VPS37A: variants seen among roughly 807,000 people sequenced by gnomAD.
VPS37A encodes VPS37A subunit of ESCRT-I, also known as vacuolar protein sorting-associated protein 37A.
Under a neutral mutation model 49.8 loss-of-function variants are expected in VPS37A, and 30 were observed. The observed-to-expected ratio is 0.60, with a 90% CI of 0.45 to 0.82. The LOEUF is 0.82. Ranked by LOEUF, VPS37A falls within the 40% of genes least tolerant of loss-of-function variation. The probability of loss-of-function intolerance (pLI) is 0.00; values close to 1 mark genes in which losing one functional copy is unlikely to be tolerated. For synonymous variants in VPS37A, 195 were observed against 160.6 expected, an observed-to-expected ratio of 1.21 and a Z score of -1.62; for missense variants, 593 against 464.4, an observed-to-expected ratio of 1.28 and a Z score of -2.55.
chr8:17,278,513 G>A (rs1814739334), intron 6 of VPS37A, among the ~76,000 whole-genome samples: 1 of 152,034 alleles, frequency 6.6e-6, no homozygotes. Context: ...AAGTTGCTCT[G>A]ATGGGTGAGA....
At chr8:17,300,756 T>C (rs754288543), downstream of VPS37A, among the ~76,000 whole-genome samples, 20 of 152,198 alleles carry the variant, frequency 1.3e-4, no homozygotes, top group Middle Eastern at 3.2e-3. Context: ...CCATACTCAT[T>C]AGCAGTCATT....
chr8:17,325,185 T>TGG, the VPS37A span, among the ~76,000 whole-genome samples: 1 of 152,004 alleles, frequency 6.6e-6, no homozygotes, highest in African/African-American at 2.4e-5. Context: ...CCACTGGAGC[T>TGG]GGGTGTGTCC....
the VPS37A span, among the ~76,000 whole-genome samples, chr8:17,332,703 G>A: frequency 1.3e-5 from 2 of 152,244 alleles, no homozygotes; most frequent in African/African-American, 4.8e-5. Flanking sequence ...CATATAGGTC[G>A]AACCATTAAG....
the VPS37A span, among the ~76,000 whole-genome samples, chr8:17,321,106 A>C: frequency 2.6e-5 from 4 of 152,218 alleles, no homozygotes; most frequent in Non-Finnish European, 5.9e-5. Flanking sequence ...ATACCTTGGC[A>C]TCTAAGCTCT....
chr8:17,279,299 C>A (rs1814809124), intron 6 of VPS37A, among the ~76,000 whole-genome samples: 1 of 151,996 alleles, frequency 6.6e-6, no homozygotes, highest in East Asian at 1.9e-4. Flanking sequence ...CATGCACTGA[C>A]CTGGTCTAAA....
downstream of VPS37A, among the ~76,000 whole-genome samples, chr8:17,306,485 G>C (rs1232657155): frequency 6.6e-6 from 1 of 152,048 alleles, no homozygotes; most frequent in African/African-American, 2.4e-5. Context: ...TGTGACGACA[G>C]ATTCCACATG....
chr8:17,267,949 C>G (rs1250662430), intron 2 of VPS37A, among the ~76,000 whole-genome samples: 1 of 152,162 alleles, frequency 6.6e-6, no homozygotes, highest in Non-Finnish European at 1.5e-5. Flanking sequence ...TAATTTCTAC[C>G]TAAGATTTTG....
At chr8:17,291,106 C>T (rs562813665) in intron 11 of VPS37A, among the ~76,000 whole-genome samples, 1 of 152,196 alleles carries the variant, frequency 6.6e-6, no homozygotes, top group Non-Finnish European at 1.5e-5. Flanking sequence ...CTCCGCCTCC[C>T]AGGTTTAAGC....
the VPS37A span, among the ~76,000 whole-genome samples, chr8:17,312,781 G>C: frequency 6.6e-6 from 1 of 151,902 alleles, no homozygotes; most frequent in African/African-American, 2.4e-5. Flanking sequence ...GTTCTCTTTA[G>C]GTATAAATCC....
intron 1 of VPS37A, among the ~76,000 whole-genome samples, chr8:17,252,099 ATATTTT>A (rs1459250300): frequency 6.6e-6 from 1 of 152,214 alleles, no homozygotes; most frequent in Non-Finnish European, 1.5e-5. Flanking sequence ...CGCATGTTAT[ATATTTT>A]TATGAAAAGC....
At chr8:17,264,382 C>G (rs1207665674) in intron 1 of VPS37A, among the ~76,000 whole-genome samples, 1 of 152,174 alleles carries the variant, frequency 6.6e-6, no homozygotes, top group South Asian at 2.1e-4. Flanking sequence ...GGTGTTCATA[C>G]AAGGGAGGAG....
downstream of VPS37A, among the ~76,000 whole-genome samples, chr8:17,302,704 C>CCA (rs66521951): frequency 3.2e-4 from 4 of 12,594 alleles, no homozygotes; most frequent in Non-Finnish European, 1.2e-3. Context: ...TTGGCAATAA[C>CCA]CCCCCCCCCC....
At position 17,297,880 on chromosome 8, in the gene VPS37A, A is replaced by T. The variant is rs1212797911; in HGVS notation, c.*2894A>T. The T allele has an allele frequency of 6.6e-6, 1 of 152,034 alleles. No individual in the cohort carries two copies. Among genetic ancestry groups the T allele is most frequent in the Non-Finnish European group, 1.5e-5 (1 of 67,914 alleles). The allele number at this position is 152,034 out of a possible 1,614,324, so 9.4% of individuals were successfully genotyped here. A position where few individuals can be genotyped will look rare whatever the true frequency, so the allele number is the denominator to read the frequency against. The stretch of plus-strand genomic sequence containing the variant: ...AGCAGACGAACATGTTACATAAATT[A>T]TAATGTCTGTCTTGTAAAAAAGTTG... On this transcript the variant is annotated 3_prime_UTR_variant, in exon 12 of 12. Transcript: ENST00000324849.
chr8:17,330,415 A>G, the VPS37A span, among the ~76,000 whole-genome samples: 1 of 152,336 alleles, frequency 6.6e-6, no homozygotes, highest in South Asian at 2.1e-4. Flanking sequence ...CAGTTCGCAG[A>G]GCCGGAAGTG....
intron 6 of VPS37A, among the ~76,000 whole-genome samples, chr8:17,277,178 C>G (rs1026173421): frequency 9.9e-5 from 15 of 151,830 alleles, no homozygotes; most frequent in Non-Finnish European, 1.5e-4. Flanking sequence ...ATGAGAAATT[C>G]TGTAGTTTAA....
At chr8:17,307,878 G>A in the VPS37A span, among the ~76,000 whole-genome samples, 4 of 151,212 alleles carry the variant, frequency 2.6e-5, no homozygotes, top group Non-Finnish European at 5.9e-5. Flanking sequence ...CACACACCGG[G>A]GACTGTTGTG....
the VPS37A span, among the ~76,000 whole-genome samples, chr8:17,313,816 TTC>T: frequency 3.3e-5 from 5 of 152,156 alleles, no homozygotes; most frequent in Non-Finnish European, 7.3e-5. Context: ...ACTTAGAAGT[TTC>T]TGTCACCCAA....
chr8:17,301,765 A>G (rs1778616973), downstream of VPS37A: 2 of 219,856 alleles, frequency 9.1e-6, no homozygotes, highest in South Asian at 2.7e-4. Context: ...ATTATAGATT[A>G]ATATCATAGT....
chr8:17,263,546 T>C (rs945239351), intron 1 of VPS37A, among the ~76,000 whole-genome samples: 2 of 152,180 alleles, frequency 1.3e-5, no homozygotes, highest in African/African-American at 4.8e-5. Flanking sequence ...TTTTAGGAAC[T>C]GTCATCAGTA....
Sources: gnomAD v4.1 joint callset for allele counts (sites outside exome capture counted in the v4.1 genomes callset) on GRCh38, gnomAD v4.1.1 for gene constraint, MANE v1.5 for transcripts, NCBI Gene and HGNC (gene_info 2026-07-23, HGNC 2026-07-21) for gene names.